The following RANBP2 variants were observed in gnomAD, a reference collection of about 807,000 sequenced individuals.
RANBP2 encodes E3 SUMO-protein ligase RanBP2.
A neutral mutation model predicts 303.6 loss-of-function variants in RANBP2; 57 were observed. The ratio of observed to expected loss-of-function variants is 0.19; its 90% CI spans 0.15 to 0.23. RANBP2 has a LOEUF of 0.23. Ranked by LOEUF, RANBP2 falls within the 10% of genes least tolerant of loss-of-function variation. The pLI, the probability that RANBP2 is intolerant of heterozygous loss-of-function variation, is 1.00. For missense variants in RANBP2, 3,138 were observed against 3,780.8 expected (o/e 0.83, Z 4.46); for synonymous variants, 1,167 against 1,301.5 (o/e 0.90, Z 2.23).
chr2:109,340,058 C>T, the RANBP2 span, among the ~76,000 whole-genome samples: 2 of 152,126 alleles, frequency 1.3e-5, no homozygotes, highest in Admixed American at 6.5e-5. Flanking sequence ...TCACAGGAGT[C>T]CTGTGAGCAG....
chr2:109,456,646 A>T, the RANBP2 span, among the ~76,000 whole-genome samples: 1 of 152,008 alleles, frequency 6.6e-6, no homozygotes, highest in Non-Finnish European at 1.5e-5. Context: ...TCCTGTAGAA[A>T]CTCCGTGGCC....
chr2:109,050,721 G>A, the RANBP2 span, among the ~76,000 whole-genome samples: 1 of 151,396 alleles, frequency 6.6e-6, no homozygotes. Context: ...ATCATTTTGG[G>A]TCCAGATGAA....
chr2:109,542,401 C>A, the RANBP2 span, among the ~76,000 whole-genome samples: 21 of 152,210 alleles, frequency 1.4e-4, no homozygotes, highest in African/African-American at 4.6e-4. Context: ...AGGTTTATTA[C>A]GTTCTTTTCA....
At chr2:108,795,196 C>T in the RANBP2 span, among the ~76,000 whole-genome samples, 1 of 125,716 alleles carries the variant, frequency 8.0e-6, no homozygotes, top group Non-Finnish European at 1.6e-5. Context: ...GCTGTATCAC[C>T]CAGGCTGGAG....
downstream of RANBP2, among the ~76,000 whole-genome samples, chr2:108,787,200 T>TCTC (rs766694919): frequency 6.2e-4 from 94 of 152,300 alleles, no homozygotes; most frequent in Non-Finnish European, 8.8e-4. Flanking sequence ...GTGATGTGAG[T>TCTC]GGAGTTGTGA....
chr2:109,063,351 C>G, the RANBP2 span, among the ~76,000 whole-genome samples: 1 of 152,134 alleles, frequency 6.6e-6, no homozygotes, highest in Non-Finnish European at 1.5e-5. Context: ...CCTGGGTTTT[C>G]TTTTCTCTCC....
chr2:108,811,208 C>A, the RANBP2 span, among the ~76,000 whole-genome samples: 6 of 142,232 alleles, frequency 4.2e-5, no homozygotes, highest in Non-Finnish European at 7.6e-5. Context: ...CCTTCCCTTG[C>A]TACTATTTCT....
the RANBP2 span, among the ~76,000 whole-genome samples, chr2:109,441,490 G>A: frequency 1.9e-3 from 285 of 152,220 alleles, 1 homozygote; most frequent in African/African-American, 5.7e-3. Flanking sequence ...AATAGAAGCC[G>A]TGGAAAGTGG....
chr2:109,121,247 T>C, the RANBP2 span, among the ~76,000 whole-genome samples: 1 of 116,522 alleles, frequency 8.6e-6, no homozygotes, highest in African/African-American at 3.4e-5. Context: ...ACTCCATCTC[T>C]CTAAAACAAA....
the RANBP2 span, among the ~76,000 whole-genome samples, chr2:109,096,934 C>T: frequency 6.6e-6 from 1 of 152,028 alleles, no homozygotes; most frequent in African/African-American, 2.4e-5. Flanking sequence ...AAGAAGACAG[C>T]TTTGACTCCC....
chr2:109,202,398 T>C, the RANBP2 span, among the ~76,000 whole-genome samples: 1 of 152,202 alleles, frequency 6.6e-6, no homozygotes, highest in South Asian at 2.1e-4. Flanking sequence ...GACACCTAAT[T>C]GCCCGAACTT....
At chr2:109,141,413 C>T in the RANBP2 span, 12 of 152,956 alleles carry the variant, frequency 7.8e-5, no homozygotes, top group African/African-American at 2.9e-4. Context: ...ACAGGCTGCC[C>T]TCCGCACCGC....
the RANBP2 span, among the ~76,000 whole-genome samples, chr2:109,644,305 C>CAA: frequency 6.7e-6 from 1 of 148,876 alleles, no homozygotes; most frequent in African/African-American, 2.5e-5. Flanking sequence ...AGACTCGTCT[C>CAA]AAAAAAAAAA....
the RANBP2 span, among the ~76,000 whole-genome samples, chr2:109,634,569 T>C: frequency 6.6e-6 from 1 of 152,192 alleles, no homozygotes; most frequent in Admixed American, 6.5e-5. Context: ...TGGAGATAGT[T>C]TGCCTCCAAC....
At chr2:109,366,276 C>T in the RANBP2 span, among the ~76,000 whole-genome samples, 563 of 151,974 alleles carry the variant, frequency 3.7e-3, 3 homozygotes, top group South Asian at 0.013. Flanking sequence ...TTGCTTTTTT[C>T]GTTTAAAAAT....
At chr2:108,898,876 A>T in the RANBP2 span, among the ~76,000 whole-genome samples, 1 of 152,246 alleles carries the variant, frequency 6.6e-6, no homozygotes, top group East Asian at 1.9e-4. Flanking sequence ...AGAAGTGGAA[A>T]TTACTCAATC....
At chr2:109,032,869 A>G in the RANBP2 span, among the ~76,000 whole-genome samples, 2 of 152,232 alleles carry the variant, frequency 1.3e-5, no homozygotes, top group African/African-American at 2.4e-5. Flanking sequence ...GGCCTAACAG[A>G]GAACTCCAGA....
At chr2:109,713,603 T>G in the RANBP2 span, among the ~76,000 whole-genome samples, 16 of 152,318 alleles carry the variant, frequency 1.1e-4, no homozygotes, top group African/African-American at 3.4e-4. Context: ...GTGAGAATGT[T>G]AGGTACTAGC....
the RANBP2 span, among the ~76,000 whole-genome samples, chr2:109,136,632 A>G: frequency 1.3e-5 from 2 of 152,302 alleles, no homozygotes; most frequent in African/African-American, 4.8e-5. Context: ...GGAGACCTGA[A>G]GGAGGCCCAA....
Sources: allele counts gnomAD v4.1 joint callset (sites outside exome capture counted in the v4.1 genomes callset), GRCh38; gene constraint gnomAD v4.1.1; transcripts MANE v1.5; gene names NCBI Gene and HGNC (gene_info 2026-07-23, HGNC 2026-07-21).